DCC: variants seen among roughly 807,000 people sequenced by gnomAD.
The protein encoded by DCC is netrin receptor DCC.
Under a neutral mutation model 172.5 loss-of-function variants are expected in DCC, and 58 were observed. The observed-to-expected ratio is 0.34, with a 90% CI of 0.27 to 0.42. The LOEUF (loss-of-function observed/expected upper bound fraction) is 0.42. Among genes scored for constraint, DCC ranks in the 10% least tolerant of loss-of-function variants. DCC has a pLI of 1.00. For missense variants in DCC, 1,740 were observed against 1,791.0 expected (o/e 0.97, Z 0.51); for synonymous variants, 709 against 644.5 (o/e 1.10, Z -1.52).
At chr18:53,350,248 T>G (rs1263540559) in intron 15 of DCC, among the ~76,000 whole-genome samples, 1 of 152,192 alleles carries the variant, frequency 6.6e-6, no homozygotes, top group East Asian at 1.9e-4. Flanking sequence ...CCGCCATTGA[T>G]GTGGATTAAC....
chr18:53,410,715 G>C lies in DCC; in HGVS notation c.3130+69G>C, dbSNP rs1043356447. 9 of 965,092 alleles carry C rather than the reference G, an allele frequency of 9.3e-6. No individual in the cohort carries two copies. In the African/African-American group the frequency reaches 9.5e-5, roughly 10 times the overall value. 59.8% of individuals were successfully genotyped at this position (965,092 alleles called of 1,614,324 possible). On this transcript the variant is annotated intron_variant, in intron 20 of 28. Coordinates refer to ENST00000442544, the MANE Select transcript of DCC (RefSeq NM_005215.4). The stretch of plus-strand genomic sequence containing the variant: ...GTTATAAAATAGCTTTGCACTCTGT[G>C]TTAGAAATGGCCCTGCACCATCTCT...
intron 12 of DCC, among the ~76,000 whole-genome samples, chr18:53,230,551 A>G (rs538313384): frequency 1.3e-5 from 2 of 152,160 alleles, no homozygotes; most frequent in African/African-American, 4.8e-5. Flanking sequence ...TTATGTAACT[A>G]TTGTTTAAAA....
intron 1 of DCC, among the ~76,000 whole-genome samples, chr18:52,516,874 G>C (rs1288469542): frequency 6.6e-6 from 1 of 152,050 alleles, no homozygotes; most frequent in African/African-American, 2.4e-5. Context: ...TATTTGCTTA[G>C]ACCTGCATAT....
chr18:53,257,474 T>C (rs2056535205), intron 12 of DCC, among the ~76,000 whole-genome samples: 2 of 152,222 alleles, frequency 1.3e-5, no homozygotes, highest in African/African-American at 4.8e-5. Context: ...GATAATCATA[T>C]GGTTTTTGTC....
chr18:52,437,914 G>A (rs6508143), intron 1 of DCC, among the ~76,000 whole-genome samples: 49,773 of 151,990 alleles, frequency 0.33, 11,108 homozygotes, highest in African/African-American at 0.64. Context: ...TATCTATTTC[G>A]ATTTTCACCT....
chr18:53,204,171 C>A (rs1334733085), intron 9 of DCC, among the ~76,000 whole-genome samples: 1 of 90,468 alleles, frequency 1.1e-5, no homozygotes. Flanking sequence ...CTACTACAGA[C>A]CCCATTAGGG....
At chr18:52,605,727 C>T (rs1366226526) in intron 1 of DCC, among the ~76,000 whole-genome samples, 1 of 152,080 alleles carries the variant, frequency 6.6e-6, no homozygotes, top group Non-Finnish European at 1.5e-5. Context: ...CTGAGCTACA[C>T]TTAATGACTA....
At chr18:52,896,826 C>A (rs574729246) in intron 2 of DCC, among the ~76,000 whole-genome samples, 1 of 152,004 alleles carries the variant, frequency 6.6e-6, no homozygotes, top group South Asian at 2.1e-4. Context: ...CATGTCTGAT[C>A]ACCACCTCCA....
At chr18:52,639,716 T>C (rs1394476810) in intron 1 of DCC, among the ~76,000 whole-genome samples, 3 of 152,012 alleles carry the variant, frequency 2.0e-5, no homozygotes, top group Non-Finnish European at 4.4e-5. Context: ...ACTGAAATTA[T>C]AATTTAAAAA....
chr18:53,324,716 T>TA (rs35395250), intron 14 of DCC, among the ~76,000 whole-genome samples: 1 of 152,112 alleles, frequency 6.6e-6, no homozygotes, highest in Admixed American at 6.5e-5. Flanking sequence ...TTGTCTTATG[T>TA]AAAAAAATAG....
chr18:53,357,757 G>A (rs2057893300), intron 15 of DCC, among the ~76,000 whole-genome samples: 1 of 152,102 alleles, frequency 6.6e-6, no homozygotes, highest in Non-Finnish European at 1.5e-5. Context: ...TTTTCCCAAA[G>A]TATCTTACTG....
chr18:52,758,658 A>T (rs1014997768), intron 2 of DCC: 6 of 147,156 alleles, frequency 4.1e-5, no homozygotes, highest in Admixed American at 3.3e-4. Context: ...TTATGTTCTT[A>T]CTTAAAAGAA....
intron 5 of DCC, among the ~76,000 whole-genome samples, chr18:52,943,099 A>G (rs937955012): frequency 5.3e-5 from 8 of 152,108 alleles, no homozygotes; most frequent in South Asian, 4.2e-4. Context: ...GTTTGTTTGT[A>G]TCTTTTACTA....
chr18:53,212,347 C>A (rs540269706), intron 11 of DCC, among the ~76,000 whole-genome samples: 1 of 152,098 alleles, frequency 6.6e-6, no homozygotes, highest in East Asian at 1.9e-4. Flanking sequence ...AAACAAGAAG[C>A]GTCTTGGGAA....
intron 8 of DCC, among the ~76,000 whole-genome samples, chr18:53,175,402 C>A (rs12454999): frequency 4.1e-4 from 63 of 152,040 alleles, no homozygotes; most frequent in African/African-American, 1.4e-3. Context: ...TGTTTGCAGA[C>A]GACATGATTG....
chr18:52,543,116 G>A (rs975973334), intron 1 of DCC, among the ~76,000 whole-genome samples: 2 of 152,242 alleles, frequency 1.3e-5, no homozygotes, highest in South Asian at 4.1e-4. Flanking sequence ...TCAAATAGAG[G>A]CTAGACAGAA....
chr18:52,590,250 A>AT (rs2033770523), intron 1 of DCC, among the ~76,000 whole-genome samples: 1 of 151,970 alleles, frequency 6.6e-6, no homozygotes, highest in Admixed American at 6.6e-5. Flanking sequence ...GTATGTTAAC[A>AT]TTATCATACA....
intron 21 of DCC, among the ~76,000 whole-genome samples, chr18:53,422,639 T>C (rs766012293): frequency 1.3e-5 from 2 of 152,190 alleles, no homozygotes; most frequent in Non-Finnish European, 2.9e-5. Flanking sequence ...GCAGTTTTAA[T>C]CTCATGAATA....
Position 52,988,264 on chromosome 18 carries a change from T to TAA in DCC, c.985+62905_985+62906dup, listed in dbSNP as rs11362874. On this transcript the variant is annotated intron_variant, in intron 5 of 28. Transcript: ENST00000442544. Reference sequence around the variant, plus strand: ...TATTTTAAATTTCTGGGTGTTTCTGTAAAAAAAAAAAATCAGTCTTTCCTC... The same window carrying TAA: ...TATTTTAAATTTCTGGGTGTTTCTGTAAAAAAAAAAAAAATCAGTCTTTCCTC... 3.3e-5 allele frequency among the ~76,000 whole-genome samples: 5 copies of TAA among 149,814 alleles called. No homozygotes were observed. The South Asian group carries it at 8.4e-4, about 25-fold the overall frequency.
Sources: gnomAD v4.1 joint callset for allele counts (sites outside exome capture counted in the v4.1 genomes callset) on GRCh38, gnomAD v4.1.1 for gene constraint, MANE v1.5 for transcripts, NCBI Gene and HGNC (gene_info 2026-07-23, HGNC 2026-07-21) for gene names.